Variants in FCRL4 observed in about 807,000 individuals in gnomAD.
The protein encoded by FCRL4 is Fc receptor-like protein 4.
Under a neutral mutation model 64.1 loss-of-function variants are expected in FCRL4, and 43 were observed. That is an observed-to-expected ratio of 0.67 (90% confidence interval 0.53 to 0.87). The LOEUF (loss-of-function observed/expected upper bound fraction) is 0.87, where lower values mean the gene tolerates loss of function less well. Among genes scored for constraint, FCRL4 ranks in the 40% least tolerant of loss-of-function variants. The pLI, the probability that FCRL4 is intolerant of heterozygous loss-of-function variation, is 0.00. For missense variants in FCRL4, 656 were observed against 613.5 expected, an observed-to-expected ratio of 1.07 and a Z score of -0.73; for synonymous variants, 253 against 239.8, an observed-to-expected ratio of 1.05 and a Z score of -0.51.
chr1:157,589,385 CAG>C lies in FCRL4; in HGVS notation c.124_125del (p.Leu42AspfsTer52). On this transcript the variant is annotated frameshift_variant, in exon 3 of 12. Transcript: ENST00000271532. LOFTEE classifies it high-confidence loss of function. ...TTFFKGERVTLTCNGFQFYAT... is the reference protein window; with the variant it reads ...TTFFKGERVTXTCNGFQFYAT... Reference sequence around the variant, plus strand: ...CATAGAACTGAAATCCATTGCAAGTCAGAGTCACTCTCTCTCCTTTGAAGAAT... The same window carrying C: ...CATAGAACTGAAATCCATTGCAAGTCAGTCACTCTCTCTCCTTTGAAGAAT... 6.2e-7 allele frequency: 1 copy of C among 1,614,120 alleles called. No individual in the cohort carries two copies. The highest frequency in any genetic ancestry group is 8.5e-7 in the Non-Finnish European group (1 of 1,180,020).
chr1:157,592,046 A>G (rs940852585), intron 2 of FCRL4, among the ~76,000 whole-genome samples: 2 of 152,236 alleles, frequency 1.3e-5, no homozygotes, highest in Non-Finnish European at 2.9e-5. Flanking sequence ...AGCCATATGT[A>G]GAAAGCTGAA....
intron 3 of FCRL4, among the ~76,000 whole-genome samples, chr1:157,588,823 G>A (rs1027696787): frequency 2.0e-5 from 3 of 152,208 alleles, no homozygotes; most frequent in Non-Finnish European, 2.9e-5. Context: ...AAAGCATCAG[G>A]TTGGAGATTT....
intron 6 of FCRL4, among the ~76,000 whole-genome samples, chr1:157,585,081 T>C (rs913879775): frequency 6.6e-6 from 1 of 152,132 alleles, no homozygotes; most frequent in African/African-American, 2.4e-5. Context: ...TTAGTAATTT[T>C]GGTGGAGTGA....
chr1:157,594,357 A>G (rs1417247091), intron 2 of FCRL4, among the ~76,000 whole-genome samples: 1 of 152,180 alleles, frequency 6.6e-6, no homozygotes, highest in Non-Finnish European at 1.5e-5. Flanking sequence ...GTGCTCTTTG[A>G]CAGCTTCACT....
intron 7 of FCRL4, 46 bp downstream of exon 7, chr1:157,581,485 G>C (rs746559959): frequency 6.5e-7 from 1 of 1,537,168 alleles, no homozygotes; most frequent in Non-Finnish European, 9.0e-7. Context: ...GCTGAGTTCA[G>C]GGGAAGGAAC....
chr1:157,586,077 A>G, intron 6 of FCRL4, 91 bp downstream of exon 6: 2 of 1,292,762 alleles, frequency 1.5e-6, no homozygotes, highest in Non-Finnish European at 2.1e-6. Context: ...AAACAGAAAC[A>G]GCAGAGTCAC....
In FCRL4 at chr1:157,586,447, C is replaced by T. The variant is rs1168148492; in HGVS notation, c.856G>A (p.Val286Met). The change falls in exon 6 of 12, where the codon GTG (valine) becomes ATG (methionine). Residue 286 changes from valine (V) to methionine (M), a missense_variant. Physicochemically the swap from Val to Met is conservative, Grantham distance 21. Transcript: ENST00000271532. ...SLQIHVQRIP[V>M]SGVLLETQPS... ...TGGGTCTCCAGGAGCACCCCAGACA[C>T]AGGGATCCCTATGTGAAAATGAGAC... The T allele has an allele frequency of 1.2e-6, 2 of 1,606,044 alleles. No homozygotes were observed.
chr1:157,581,108 AAAATT>A (rs72558641), intron 7 of FCRL4, among the ~76,000 whole-genome samples: 51,490 of 151,742 alleles, frequency 0.34, 10,595 homozygotes, highest in East Asian at 0.67. Flanking sequence ...ACAGAAGGAT[AAAATT>A]AGCCAGCTCT....
In FCRL4 at chr1:157,589,292, G is replaced by A. The variant is rs757238019; in HGVS notation, c.219C>T (p.Asn73=). The A allele has an allele frequency of 1.2e-6, 2 of 1,614,220 alleles. No individual in the cohort carries two copies. The highest frequency in any genetic ancestry group is 1.1e-5 in the South Asian group (1 of 91,086). Reference sequence around the variant, plus strand: ...GTCCAGATTCCCGAACCTCGAGGGTGTTTCCTGGGGTCAGGGTCAACTTTT... The same window carrying A: ...GTCCAGATTCCCGAACCTCGAGGGTATTTCCTGGGGTCAGGGTCAACTTTT... ...WGEKLTLTPG[N]TLEVRESGLY... The change falls in exon 3 of 12, where the codon AAC becomes AAT. Residue 73 remains asparagine (N), a synonymous_variant. Transcript: ENST00000271532.
At chr1:157,580,951 G>A (rs374184946) in intron 7 of FCRL4, among the ~76,000 whole-genome samples, 1 of 152,194 alleles carries the variant, frequency 6.6e-6, no homozygotes, top group East Asian at 1.9e-4. Flanking sequence ...TTGGAAGCAC[G>A]CAGCAAACAG....
intron 2 of FCRL4, among the ~76,000 whole-genome samples, chr1:157,595,675 C>T (rs1032755688): frequency 3.3e-5 from 5 of 152,140 alleles, no homozygotes; most frequent in African/African-American, 9.7e-5. Context: ...TCCAAGGCAC[C>T]GAGGAGGGGA....
At position 157,586,266 on chromosome 1, in the gene FCRL4, A is replaced by T; in HGVS notation, c.1037T>A (p.Leu346His). The T allele has an allele frequency of 4.3e-6, 7 of 1,613,896 alleles. No individual in the cohort carries two copies. Among genetic ancestry groups the T allele is most frequent in the Non-Finnish European group, 5.9e-6 (7 of 1,179,972 alleles). The change falls in exon 6 of 12, where the codon CTC becomes CAC. Residue 346 changes from leucine (L) to histidine (H), a missense_variant. By Grantham distance (99) the Leu-to-His change is moderately conservative (BLOSUM62 -3). Transcript: ENST00000271532. ...TGCATGGCTCTGTCTGATGGCAGGGAGCTCCAGCTCTGCTCTCAGGGAACG... is the reference window on the plus strand; with the variant it reads ...TGCATGGCTCTGTCTGATGGCAGGGTGCTCCAGCTCTGCTCTCAGGGAACG... ...TQRSLRAELE[L>H]PAIRQSHAGG...
chr1:157,580,241 G>C, intron 8 of FCRL4, 80 bp downstream of exon 8: 1 of 1,461,018 alleles, frequency 6.8e-7, no homozygotes, highest in Non-Finnish European at 9.6e-7. Context: ...GGTATAACTT[G>C]ACCTAATTTC....
intron 3 of FCRL4, among the ~76,000 whole-genome samples, chr1:157,588,491 AG>A (rs1652759980): frequency 6.6e-6 from 1 of 152,220 alleles, no homozygotes. Flanking sequence ...GAACTACATG[AG>A]GATCTCTTCC....
intron 2 of FCRL4, among the ~76,000 whole-genome samples, chr1:157,592,563 G>A (rs1483002294): frequency 5.3e-5 from 8 of 152,114 alleles, no homozygotes; most frequent in Non-Finnish European, 7.4e-5. Context: ...TTAGAATGGC[G>A]ATCATTAAAA....
At chr1:157,594,418 A>G (rs1652911631) in intron 2 of FCRL4, among the ~76,000 whole-genome samples, 1 of 152,220 alleles carries the variant, frequency 6.6e-6, no homozygotes, top group African/African-American at 2.4e-5. Flanking sequence ...CCTTGAACAA[A>G]GTCATGATGC....
chr1:157,581,661 T>C lies in FCRL4; in HGVS notation c.1136-17A>G. 2 of 1,597,710 alleles carry C rather than the reference T, an allele frequency of 1.3e-6. No individual in the cohort carries two copies. The highest frequency in any genetic ancestry group is 1.7e-6 in the Non-Finnish European group (2 of 1,166,516). On this transcript the variant is annotated splice_polypyrimidine_tract_variant and intron_variant, in intron 6 of 11. Transcript: ENST00000271532. Reference sequence around the variant, plus strand: ...CTGGGGTCTCTAAGGGGAAAGGACCTGTGTGAATCTCAGTGGAGAGGTTCA... The same window carrying C: ...CTGGGGTCTCTAAGGGGAAAGGACCCGTGTGAATCTCAGTGGAGAGGTTCA...
intron 11 of FCRL4, 41 bp downstream of exon 11, chr1:157,575,658 A>T: frequency 6.2e-7 from 1 of 1,612,130 alleles, no homozygotes; most frequent in Non-Finnish European, 8.5e-7. Context: ...GTGAGGCTGC[A>T]GGTAATGGTG....
At chr1:157,597,787 T>G (rs1454614147) in intron 1 of FCRL4, 127 bp downstream of exon 1, 1 of 639,682 alleles carries the variant, frequency 1.6e-6, no homozygotes, top group Middle Eastern at 2.7e-4. Context: ...TATCTTTCCT[T>G]TTTGTTCATT....
Sources: gnomAD v4.1 joint callset for allele counts (sites outside exome capture counted in the v4.1 genomes callset) on GRCh38, gnomAD v4.1.1 for gene constraint, MANE v1.5 for transcripts, NCBI Gene and HGNC (gene_info 2026-07-23, HGNC 2026-07-21) for gene names.